PRKN: variants seen among roughly 807,000 people sequenced by gnomAD.
The protein encoded by PRKN is E3 ubiquitin-protein ligase parkin.
PRKN carries 56 observed loss-of-function variants against 59.5 expected under a neutral mutation model. That is an observed-to-expected ratio of 0.94 (90% CI 0.76 to 1.18). PRKN has a LOEUF of 1.18. Ranked by LOEUF, PRKN falls within the 50% of genes most tolerant of loss-of-function variation. PRKN has a pLI of 0.00. For missense variants in PRKN, 657 were observed against 596.4 expected, an observed-to-expected ratio of 1.10 and a Z score of -1.06; for synonymous variants, 250 against 222.1, an observed-to-expected ratio of 1.13 and a Z score of -1.12.
At chr6:162,633,624 C>T (rs1271145848) in intron 1 of PRKN, among the ~76,000 whole-genome samples, 1 of 151,948 alleles carries the variant, frequency 6.6e-6, no homozygotes, top group Non-Finnish European at 1.5e-5. Flanking sequence ...TTGCAGATTG[C>T]CTGAGTTTTG....
At chr6:162,593,751 C>G (rs1781393663) in intron 1 of PRKN, among the ~76,000 whole-genome samples, 1 of 152,142 alleles carries the variant, frequency 6.6e-6, no homozygotes, top group Non-Finnish European at 1.5e-5. Flanking sequence ...GGGACAGGAA[C>G]AGCTTTTAGC....
intron 1 of PRKN, among the ~76,000 whole-genome samples, chr6:162,721,374 C>G (rs961865410): frequency 6.6e-6 from 1 of 152,230 alleles, no homozygotes; most frequent in Non-Finnish European, 1.5e-5. Flanking sequence ...CCACAGACAT[C>G]TTTCTAAAAT....
At chr6:162,059,017 G>A (rs1041173160) in intron 4 of PRKN, among the ~76,000 whole-genome samples, 3 of 150,716 alleles carry the variant, frequency 2.0e-5, no homozygotes, top group Admixed American at 6.6e-5. Flanking sequence ...TTAGGGCCCA[G>A]TTATATTTTG....
intron 9 of PRKN, among the ~76,000 whole-genome samples, chr6:161,532,166 C>CTATATA (rs200674940): frequency 8.2e-4 from 95 of 115,400 alleles, no homozygotes; most frequent in Non-Finnish European, 1.2e-3. Context: ...CTCTCTCTCT[C>CTATATA]TATATATATA....
intron 1 of PRKN, among the ~76,000 whole-genome samples, chr6:162,499,921 T>C (rs9346919): frequency 0.49 from 74,420 of 151,814 alleles, 18,299 homozygotes; most frequent in Middle Eastern, 0.55. Flanking sequence ...AAAAAAAAGG[T>C]TGCCTTGACA....
chr6:162,027,196 T>C (rs1783468030), intron 5 of PRKN, among the ~76,000 whole-genome samples: 1 of 152,196 alleles, frequency 6.6e-6, no homozygotes, highest in African/African-American at 2.4e-5. Flanking sequence ...ATTCTTTCTA[T>C]ATCAAGAAAT....
intron 9 of PRKN, among the ~76,000 whole-genome samples, chr6:161,412,241 TCCA>T (rs1488161352): frequency 1.4e-5 from 2 of 143,928 alleles, no homozygotes; most frequent in South Asian, 2.3e-4. Flanking sequence ...CACTCATTCC[TCCA>T]CTCACTCATT....
At chr6:162,393,428 G>A (rs541934447) in intron 2 of PRKN, among the ~76,000 whole-genome samples, 1 of 152,108 alleles carries the variant, frequency 6.6e-6, no homozygotes, top group South Asian at 2.1e-4. Context: ...CCAAAGTGCT[G>A]GGATTACAGG....
chr6:161,543,417 C>T lies in PRKN; in HGVS notation c.1083+5437G>A, dbSNP rs1779686651. Among the ~76,000 whole-genome samples, 3 of 152,282 alleles carry T rather than the reference C, an allele frequency of 2.0e-5. No individual in the cohort carries two copies. The South Asian group carries it at 6.2e-4, about 32-fold the overall frequency. ...GAAACCCTTTTTAAGAAAACCAATG[C>T]AAGAAGATGAACATGGTTAAGAGGA... On this transcript the variant is annotated intron_variant, in intron 9 of 11. Coordinates refer to ENST00000366898, the MANE Select transcript of PRKN (RefSeq NM_004562.3).
At chr6:161,776,005 C>T (rs1253514715) in intron 7 of PRKN, among the ~76,000 whole-genome samples, 1 of 152,180 alleles carries the variant, frequency 6.6e-6, no homozygotes, top group African/African-American at 2.4e-5. Context: ...AAGGCAAAAA[C>T]ATAACCGATG....
chr6:162,065,733 A>G (rs1204025454), intron 4 of PRKN, among the ~76,000 whole-genome samples: 1 of 151,918 alleles, frequency 6.6e-6, no homozygotes, highest in Non-Finnish European at 1.5e-5. Flanking sequence ...CCTCCACCCC[A>G]TGGCAGGCCC....
At chr6:162,440,966 G>T (rs1260527088) in intron 2 of PRKN, among the ~76,000 whole-genome samples, 2 of 151,960 alleles carry the variant, frequency 1.3e-5, no homozygotes, top group African/African-American at 4.8e-5. Flanking sequence ...AATTACATGT[G>T]TAACTTCCTA....
intron 1 of PRKN, among the ~76,000 whole-genome samples, chr6:162,716,757 TGC>T (rs1474758050): frequency 6.8e-6 from 1 of 146,512 alleles, no homozygotes; most frequent in Admixed American, 6.9e-5. Context: ...CCTACCCGCC[TGC>T]GCGCGCGCGC....
At chr6:162,453,771 C>T (rs748470882) in intron 1 of PRKN, among the ~76,000 whole-genome samples, 27 of 152,116 alleles carry the variant, frequency 1.8e-4, no homozygotes, top group African/African-American at 6.0e-4. Flanking sequence ...GGCGTGGTGG[C>T]GCACACCTGT....
intron 1 of PRKN, among the ~76,000 whole-genome samples, chr6:162,661,218 G>A (rs954527227): frequency 3.3e-5 from 5 of 151,946 alleles, no homozygotes; most frequent in Admixed American, 6.6e-5. Flanking sequence ...CTGAGATCAC[G>A]CCATTGCACT....
At chr6:162,452,989 A>G (rs916122218) in intron 1 of PRKN, among the ~76,000 whole-genome samples, 6 of 152,220 alleles carry the variant, frequency 3.9e-5, no homozygotes, top group African/African-American at 1.4e-4. Flanking sequence ...ATTTTGAAAA[A>G]ACAAAAAGAG....
chr6:161,649,817 C>G (rs936689674), intron 7 of PRKN, among the ~76,000 whole-genome samples: 1 of 152,206 alleles, frequency 6.6e-6, no homozygotes, highest in Non-Finnish European at 1.5e-5. Flanking sequence ...TGTCTCTCCC[C>G]AAGCTCAGGC....
At chr6:161,960,501 C>G (rs950678217) in intron 6 of PRKN, among the ~76,000 whole-genome samples, 1 of 152,150 alleles carries the variant, frequency 6.6e-6, no homozygotes, top group Non-Finnish European at 1.5e-5. Context: ...TTAAGATCAC[C>G]TACATAGTCA....
chr6:161,423,189 G>A lies in PRKN; in HGVS notation c.1084-36312C>T, dbSNP rs913975223. On this transcript the variant is annotated intron_variant, in intron 9 of 11. Coordinates refer to ENST00000366898, the MANE Select transcript of PRKN (RefSeq NM_004562.3). This position sits in a 1 kb window ranked among gnomAD's most constrained non-coding sequence, Gnocchi z 5.9. ...TGTATGCCAGCCTTGCATGGGTTTG[G>A]TTGGGACGTCCTCATCTGAGAAGAC... Among the ~76,000 whole-genome samples, 1 of 152,142 alleles carries A rather than the reference G, an allele frequency of 6.6e-6. No individual in the cohort carries two copies. The highest frequency in any genetic ancestry group is 1.9e-4 in the East Asian group (1 of 5,194).
Sources: allele counts gnomAD v4.1 joint callset (sites outside exome capture counted in the v4.1 genomes callset), GRCh38; gene constraint gnomAD v4.1.1; non-coding constraint Gnocchi (gnomAD v3.1); transcripts MANE v1.5; gene names NCBI Gene and HGNC (gene_info 2026-07-23, HGNC 2026-07-21).